ABCB1: variants seen among roughly 807,000 people sequenced by gnomAD.
ABCB1 encodes ATP-dependent translocase ABCB1.
In ABCB1, 69 loss-of-function variants were observed where a neutral mutation model predicts 142.0. The observed-to-expected ratio is 0.49, with a 90% confidence interval of 0.40 to 0.59. The LOEUF is 0.59. Among genes scored for constraint, ABCB1 ranks in the 20% least tolerant of loss-of-function variants. The pLI, the probability that ABCB1 is intolerant of heterozygous loss-of-function variation, is 0.00. For missense variants in ABCB1, 1,326 were observed against 1,554.7 expected (o/e 0.85, Z 2.47); for synonymous variants, 532 against 539.2 (o/e 0.99, Z 0.18).
intron 4 of ABCB1, among the ~76,000 whole-genome samples, chr7:87,571,673 A>G (rs909493740): frequency 1.3e-5 from 2 of 152,186 alleles, no homozygotes; most frequent in Non-Finnish European, 2.9e-5. Flanking sequence ...AAAAAGAGCT[A>G]CCCTGGTCAG....
chr7:87,604,369 T>C (rs1318893157), upstream of ABCB1, among the ~76,000 whole-genome samples: 1 of 152,118 alleles, frequency 6.6e-6, no homozygotes, highest in Non-Finnish European at 1.5e-5. Context: ...AGAATACAAG[T>C]TTCCACTCAG....
chr7:87,609,962 A>G (rs762580478), intron 1 of ABCB1, among the ~76,000 whole-genome samples: 1 of 152,248 alleles, frequency 6.6e-6, no homozygotes. Context: ...TTAAAAAATA[A>G]GGTAATGAGG....
At chr7:87,614,794 C>T (rs1819977000) in intron 1 of ABCB1, among the ~76,000 whole-genome samples, 2 of 151,466 alleles carry the variant, frequency 1.3e-5, no homozygotes, top group African/African-American at 2.4e-5. Context: ...AATGGTTTTG[C>T]CTTTTATTCT....
At chr7:87,707,273 G>C (rs1271907194) in intron 1 of ABCB1, among the ~76,000 whole-genome samples, 1 of 152,112 alleles carries the variant, frequency 6.6e-6, no homozygotes, top group Non-Finnish European at 1.5e-5. Context: ...AAACCTATGG[G>C]TGATAGAGAC....
chr7:87,711,491 T>C (rs1217752675), intron 1 of ABCB1, among the ~76,000 whole-genome samples: 1 of 152,100 alleles, frequency 6.6e-6, no homozygotes, highest in Non-Finnish European at 1.5e-5. Context: ...TTTTTTATGA[T>C]GGTAGAAAAG....
At chr7:87,583,638 T>C (rs1222102846) in intron 4 of ABCB1, among the ~76,000 whole-genome samples, 1 of 152,200 alleles carries the variant, frequency 6.6e-6, no homozygotes, top group East Asian at 1.9e-4. Context: ...CATGGGCCTA[T>C]CCAGAAAGGA....
intron 3 of ABCB1, 94 bp downstream of exon 3, chr7:87,595,672 C>G (rs373236080): frequency 9.3e-7 from 1 of 1,071,624 alleles, no homozygotes; most frequent in Non-Finnish European, 1.4e-6. Flanking sequence ...ATACCCTATA[C>G]GAAAATCTTA....
Position 87,599,540 on chromosome 7 carries a change from T to C in ABCB1, c.68+577A>G, listed in dbSNP as rs372233257. On this transcript the variant is annotated intron_variant, in intron 2 of 27. Coordinates refer to ENST00000622132, the MANE Select transcript of ABCB1 (RefSeq NM_001348946.2). ...GAAGTTCATAAGACAGAAACACATA[T>C]GAGCATCCGCCTGTCTGGGGCAGGA... is the stretch of plus-strand genomic sequence containing the variant. Among the ~76,000 whole-genome samples, 68 of 152,018 alleles carry C rather than the reference T, an allele frequency of 4.5e-4. No homozygotes were observed. The South Asian group carries it at 0.014, about 31-fold the overall frequency.
chr7:87,610,242 T>C lies in ABCB1; in HGVS notation c.-330-9164A>G, dbSNP rs1053571592. ...ACTAGCTTTTTCTTTCTTTTTTTTT[T>C]TTTTTTTTTTTCTCAGCCAGGGTCT... On this transcript the variant is annotated intron_variant, in intron 1 of 28. Transcript: ENST00000265724. Among the ~76,000 whole-genome samples, 13 of 148,550 alleles carry C rather than the reference T, an allele frequency of 8.8e-5. No homozygotes were observed. The East Asian group carries it at 2.5e-3, about 29-fold the overall frequency.
chr7:87,678,061 A>G (rs895548272), intron 1 of ABCB1, among the ~76,000 whole-genome samples: 7 of 152,224 alleles, frequency 4.6e-5, no homozygotes, highest in Non-Finnish European at 1.0e-4. Flanking sequence ...CTTCAGGCTA[A>G]AGGGAGATGG....
rs949343048 is a variant in ABCB1 at position 87,509,542 on chromosome 7, A to G, written c.3283-61T>C. 110 of 1,529,192 alleles carry G rather than the reference A, an allele frequency of 7.2e-5. No individual in the cohort carries two copies. Among genetic ancestry groups the G allele is most frequent in the Non-Finnish European group, 9.4e-5 (104 of 1,108,026 alleles). 94.7% of individuals were successfully genotyped at this position (1,529,192 alleles called of 1,614,324 possible). The stretch of plus-strand genomic sequence containing the variant: ...AGCACACTTTGAATGTAGCACAATT[A>G]ACATCATTATTTCTTACACTGAAAC... On this transcript the variant is annotated intron_variant, in intron 25 of 27. Coordinates refer to ENST00000622132, the MANE Select transcript of ABCB1 (RefSeq NM_001348946.2).
In ABCB1 at chr7:87,520,873, C is replaced by A; in HGVS notation, c.2689G>T (p.Ala897Ser). Reference protein sequence around the residue: ...KKELEGSGKIATEAIENFRTV... With the variant: ...KKELEGSGKISTEAIENFRTV... ...CGGAAGTTTTCTATTGCTTCAGTAG[C>A]GATCTGTAACAGACAGCACCGATCA... Residue 897 changes from alanine (A) to serine (S), a missense_variant, in exon 22 of 28, where the codon GCT (alanine) becomes TCT (serine). Ala to Ser is a moderately conservative substitution (Grantham distance 99). Transcript: ENST00000622132. The A allele has an allele frequency of 1.2e-6, 2 of 1,613,254 alleles. No homozygotes were observed. Among genetic ancestry groups the A allele is most frequent in the Non-Finnish European group, 1.7e-6 (2 of 1,179,396 alleles).
intron 1 of ABCB1, among the ~76,000 whole-genome samples, chr7:87,671,224 G>T (rs1825796046): frequency 6.6e-6 from 1 of 152,172 alleles, no homozygotes; most frequent in African/African-American, 2.4e-5. Flanking sequence ...TCCTTGGGCT[G>T]ATTACAACTG....
chr7:87,664,267 A>G (rs1825009160), intron 1 of ABCB1, among the ~76,000 whole-genome samples: 1 of 152,162 alleles, frequency 6.6e-6, no homozygotes, highest in Non-Finnish European at 1.5e-5. Context: ...TCAAGGCTGT[A>G]GTACACTATT....
intron 17 of ABCB1, among the ~76,000 whole-genome samples, chr7:87,543,081 G>A (rs927678809): frequency 6.6e-5 from 10 of 152,128 alleles, no homozygotes; most frequent in African/African-American, 2.2e-4. Context: ...ATTACTTGAG[G>A]TTAGGAGTTC....
At chr7:87,545,328 A>G (rs1816728057) in intron 15 of ABCB1, among the ~76,000 whole-genome samples, 1 of 152,236 alleles carries the variant, frequency 6.6e-6, no homozygotes, top group Non-Finnish European at 1.5e-5. Context: ...TTCAACAGAA[A>G]TATGGCACAA....
At chr7:87,507,678 G>T (rs2117062618) in intron 26 of ABCB1, among the ~76,000 whole-genome samples, 1 of 152,272 alleles carries the variant, frequency 6.6e-6, no homozygotes, top group South Asian at 2.1e-4. Context: ...TTGCTTGCCT[G>T]CCTCGTGAGG....
chr7:87,577,231 T>C (rs1396989768), intron 4 of ABCB1, among the ~76,000 whole-genome samples: 1 of 152,202 alleles, frequency 6.6e-6, no homozygotes, highest in East Asian at 1.9e-4. Context: ...ATTTTTGTTG[T>C]TGCAAATGAC....
intron 1 of ABCB1, among the ~76,000 whole-genome samples, chr7:87,661,599 C>T (rs898156315): frequency 6.6e-6 from 1 of 151,850 alleles, no homozygotes; most frequent in African/African-American, 2.4e-5. Flanking sequence ...ATGATAGGAT[C>T]TCATTTTTTT....
Sources: allele counts gnomAD v4.1 joint callset (sites outside exome capture counted in the v4.1 genomes callset), GRCh38; gene constraint gnomAD v4.1.1; transcripts MANE v1.5; gene names NCBI Gene and HGNC (gene_info 2026-07-23, HGNC 2026-07-21).